The following ACADM variants were observed in gnomAD, a reference collection of about 807,000 sequenced individuals.
ACADM encodes the protein medium-chain specific acyl-CoA dehydrogenase, mitochondrial.
ACADM carries 49 observed loss-of-function variants against 58.9 expected under a neutral mutation model. The observed-to-expected ratio is 0.83, with a 90% CI of 0.66 to 1.06. ACADM has a LOEUF of 1.06. ACADM is among the 50% of genes least tolerant of loss of function. The probability of loss-of-function intolerance (pLI) is 0.00; values close to 1 mark genes in which losing one functional copy is unlikely to be tolerated. For synonymous variants in ACADM, 160 were observed against 157.7 expected, an observed-to-expected ratio of 1.01 and a Z score of -0.11; for missense variants, 496 against 507.0, an observed-to-expected ratio of 0.98 and a Z score of 0.21.
chr1:75,745,003 C>T (rs528796181), intron 7 of ACADM, among the ~76,000 whole-genome samples: 1 of 152,166 alleles, frequency 6.6e-6, no homozygotes, highest in Non-Finnish European at 1.5e-5. Context: ...ATAGTCCCTC[C>T]TTATCCTTGC....
intron 10 of ACADM, among the ~76,000 whole-genome samples, chr1:75,756,652 A>G (rs1246221552): frequency 6.6e-6 from 1 of 152,212 alleles, no homozygotes; most frequent in Non-Finnish European, 1.5e-5. Flanking sequence ...TAATTTATAG[A>G]TTCAGTGCCA....
At chr1:75,761,005 C>A in intron 10 of ACADM, 117 bp from the exon 11 acceptor site, 2 of 1,033,258 alleles carry the variant, frequency 1.9e-6, no homozygotes, top group Non-Finnish European at 1.4e-6. Flanking sequence ...CCAGGAGTTG[C>A]AGACCAGCCT....
Position 75,734,835 on chromosome 1 carries a change from G to A in ACADM, c.432G>A (p.Lys144=). 1 of 1,613,956 alleles carries A rather than the reference G, an allele frequency of 6.2e-7. No individual in the cohort carries two copies. The highest frequency in any genetic ancestry group is 8.5e-7 in the Non-Finnish European group (1 of 1,179,882). ...IIAGNDQQKK[K]YLGRMTEEPL... is the part of the protein sequence containing the mutation. Reference sequence around the variant, plus strand: ...CTGGAAATGATCAACAAAAGAAGAAGTATTTGGGGAGAATGACTGAGGAGC... The same window carrying A: ...CTGGAAATGATCAACAAAAGAAGAAATATTTGGGGAGAATGACTGAGGAGC... The change falls in exon 6 of 12, where the codon AAG becomes AAA. Residue 144 remains lysine, a synonymous_variant. Transcript: ENST00000370841.
intron 6 of ACADM, among the ~76,000 whole-genome samples, chr1:75,736,204 A>ACACACG (rs1453641311): frequency 4.6e-5 from 7 of 150,614 alleles, no homozygotes; most frequent in African/African-American, 1.5e-4. Context: ...ACACACACAC[A>ACACACG]CGCTCTATTC....
At chr1:75,742,356 A>G (rs769770156) in intron 7 of ACADM, among the ~76,000 whole-genome samples, 6 of 152,022 alleles carry the variant, frequency 3.9e-5, no homozygotes, top group Non-Finnish European at 8.8e-5. Context: ...TTACACCACT[A>G]TCTACTAACA....
chr1:75,731,492 C>T (rs75405265), intron 2 of ACADM, among the ~76,000 whole-genome samples: 2,495 of 152,198 alleles, frequency 0.016, 36 homozygotes, highest in Middle Eastern at 0.058. Flanking sequence ...GATGCAACCA[C>T]ATTAAAACAC....
chr1:75,744,540 T>C lies in ACADM; in HGVS notation c.600-1266T>C, dbSNP rs116225825. ...TGACATCTCCCTCTGTGACAGGTTC[T>C]GCAAACGCTGGGGTTTTGACTGTAA... On this transcript the variant is annotated intron_variant, in intron 7 of 11. Coordinates refer to ENST00000370841, the MANE Select transcript of ACADM (RefSeq NM_000016.6). 3.8e-3 allele frequency: 5,769 copies of C among 1,498,906 alleles called. 185 individuals carry two copies. The African/African-American group carries it at 0.063, about 16-fold the overall frequency. 92.9% of individuals were successfully genotyped at this position (1,498,906 alleles called of 1,614,324 possible).
intron 2 of ACADM, among the ~76,000 whole-genome samples, chr1:75,730,156 A>G (rs1409815503): frequency 6.6e-6 from 1 of 152,068 alleles, no homozygotes; most frequent in African/African-American, 2.4e-5. Context: ...TGTCCTCCCA[A>G]AGTGGGATTA....
At chr1:75,725,433 A>G (rs1237655512) in intron 1 of ACADM, among the ~76,000 whole-genome samples, 1 of 152,206 alleles carries the variant, frequency 6.6e-6, no homozygotes, top group Non-Finnish European at 1.5e-5. Context: ...TCTTGGACCA[A>G]AAAAGCTGCG....
intron 7 of ACADM, chr1:75,744,745 G>GC (rs1410852752): frequency 6.9e-6 from 5 of 726,606 alleles, no homozygotes; most frequent in Non-Finnish European, 1.3e-5. Context: ...GTGGCTGAAC[G>GC]CCCGGGACAC....
chr1:75,736,453 T>G (rs531346190), intron 6 of ACADM, among the ~76,000 whole-genome samples: 5,035 of 71,176 alleles, frequency 0.071, 275 homozygotes, highest in African/African-American at 0.27. Flanking sequence ...AAATTTGCAA[T>G]TTTTTTTAAC....
chr1:75,760,162 T>C (rs1189106859), intron 10 of ACADM, among the ~76,000 whole-genome samples: 1 of 150,236 alleles, frequency 6.7e-6, no homozygotes, highest in Non-Finnish European at 1.5e-5. Context: ...GGCTCACACC[T>C]GTAATCCTAG....
chr1:75,749,321 G>A (rs931500148), intron 8 of ACADM, 98 bp from the exon 9 acceptor site: 1 of 1,285,128 alleles, frequency 7.8e-7, no homozygotes, highest in African/African-American at 1.5e-5. Context: ...GTTGATCCCT[G>A]TTTTAGGTAA....
intron 6 of ACADM, 92 bp downstream of exon 6, chr1:75,734,963 A>C (rs1297232916): frequency 6.2e-6 from 6 of 970,356 alleles, no homozygotes; most frequent in Non-Finnish European, 9.7e-6. Context: ...ATATTGGGAT[A>C]TTTAGCATTG....
chr1:75,750,877 T>A, intron 10 of ACADM: 1 of 380,802 alleles, frequency 2.6e-6, no homozygotes, highest in East Asian at 6.4e-5. Flanking sequence ...GCCTCCCAAG[T>A]AGTGGGAACT....
chr1:75,753,315 C>T (rs1241104467), intron 10 of ACADM, among the ~76,000 whole-genome samples: 1 of 152,222 alleles, frequency 6.6e-6, no homozygotes, highest in African/African-American at 2.4e-5. Flanking sequence ...CCTGCTGAGC[C>T]CAAATCTGAG....
intron 9 of ACADM, 67 bp from the exon 10 acceptor site, chr1:75,750,384 C>T (rs971885519): frequency 1.6e-5 from 21 of 1,305,748 alleles, no homozygotes; most frequent in South Asian, 5.0e-5. Flanking sequence ...AACATAGACA[C>T]TTAGGCAGAT....
chr1:75,749,474 T>A lies in ACADM; in HGVS notation c.764T>A (p.Val255Glu). The change falls in exon 9 of 12, where the codon GTG becomes GAG. Residue 255 changes from valine to glutamate, a missense_variant. Coordinates refer to ENST00000370841, the MANE Select transcript of ACADM (RefSeq NM_000016.6). ...SDTRGIVFED[V>E]KVPKENVLIG... ...ACTAGAGGAATTGTCTTCGAAGATG[T>A]GAAAGTGCCTAAAGAAAATGTTTTA... The A allele has an allele frequency of 6.2e-7, 1 of 1,614,088 alleles. No homozygotes were observed. The highest frequency in any genetic ancestry group is 8.5e-7 in the Non-Finnish European group (1 of 1,179,978).
intron 11 of ACADM, 80 bp from the exon 12 acceptor site, chr1:75,762,612 T>C: frequency 1.1e-6 from 1 of 898,218 alleles, no homozygotes; most frequent in Non-Finnish European, 1.8e-6. Flanking sequence ...ACACAGCTTA[T>C]GCTACTGTCT....
Sources: gnomAD v4.1 joint callset for allele counts (sites outside exome capture counted in the v4.1 genomes callset) on GRCh38, gnomAD v4.1.1 for gene constraint, MANE v1.5 for transcripts, NCBI Gene and HGNC (gene_info 2026-07-23, HGNC 2026-07-21) for gene names.